MYO16: variants seen among roughly 807,000 people sequenced by gnomAD.
MYO16 encodes the protein unconventional myosin-XVI.
Under a neutral mutation model 205.3 loss-of-function variants are expected in MYO16, and 94 were observed. That is an observed-to-expected ratio of 0.46 (90% CI 0.39 to 0.54). MYO16 has a LOEUF of 0.54. Ranked by LOEUF, MYO16 falls within the 20% of genes least tolerant of loss-of-function variation. The pLI, the probability that MYO16 is intolerant of heterozygous loss-of-function variation, is 0.00. For missense variants in MYO16, 2,315 were observed against 2,387.5 expected (o/e 0.97, Z 0.63); for synonymous variants, 988 against 954.0 (o/e 1.04, Z -0.66).
intron 27 of MYO16, among the ~76,000 whole-genome samples, chr13:109,074,405 G>A (rs962865640): frequency 2.6e-5 from 4 of 152,136 alleles, no homozygotes. Context: ...TCTCAGTTCT[G>A]CATGGCTTGG....
chr13:108,972,249 C>CTCTCTCTCTCTATATA (rs1178345437), intron 20 of MYO16, among the ~76,000 whole-genome samples: 8 of 2,848 alleles, frequency 2.8e-3, no homozygotes, highest in Non-Finnish European at 4.1e-3. Context: ...CTCTCTCTCT[C>CTCTCTCTCTCTATATA]TATATATATA....
chr13:108,583,326 G>C, the MYO16 span, among the ~76,000 whole-genome samples: 1 of 152,318 alleles, frequency 6.6e-6, no homozygotes, highest in Non-Finnish European at 1.5e-5. Context: ...CATGCATCAA[G>C]TTGACAGAGT....
the MYO16 span, among the ~76,000 whole-genome samples, chr13:108,531,269 G>A: frequency 3.6e-3 from 547 of 152,300 alleles, 1 homozygote; most frequent in Non-Finnish European, 6.0e-3. Flanking sequence ...AGCCCTTGAA[G>A]GGTTTTACAC....
chr13:108,745,833 G>C (rs1309686230), intron 4 of MYO16, among the ~76,000 whole-genome samples: 1 of 152,170 alleles, frequency 6.6e-6, no homozygotes. Context: ...TGTAAGCAGA[G>C]AGATGGAAAC....
intron 27 of MYO16, among the ~76,000 whole-genome samples, chr13:109,071,243 A>G (rs1010670866): frequency 7.2e-5 from 11 of 152,190 alleles, no homozygotes; most frequent in African/African-American, 2.7e-4. Flanking sequence ...CGCATTTATG[A>G]CAAAACATCT....
At chr13:108,618,095 C>T (rs1004621557) in intron 1 of MYO16, among the ~76,000 whole-genome samples, 11 of 152,170 alleles carry the variant, frequency 7.2e-5, no homozygotes, top group South Asian at 2.1e-4. Context: ...CATGCTCTCT[C>T]CCCTGGACTA....
chr13:109,112,763 G>T (rs572253235), intron 28 of MYO16, among the ~76,000 whole-genome samples: 2 of 152,226 alleles, frequency 1.3e-5, no homozygotes, highest in African/African-American at 2.4e-5. Context: ...AATAATTTTT[G>T]TAGACAAATG....
chr13:108,643,236 T>C (rs1003972702), intron 1 of MYO16, among the ~76,000 whole-genome samples: 2 of 152,238 alleles, frequency 1.3e-5, no homozygotes, highest in Non-Finnish European at 2.9e-5. Flanking sequence ...CAGAATGTCA[T>C]GTAAATGAAG....
the MYO16 span, among the ~76,000 whole-genome samples, chr13:108,517,193 G>A: frequency 6.6e-6 from 1 of 152,160 alleles, no homozygotes; most frequent in Non-Finnish European, 1.5e-5. Context: ...GCCTTCCAAA[G>A]TGCTGGGATT....
At chr13:108,643,645 T>C (rs1468667286) in intron 1 of MYO16, among the ~76,000 whole-genome samples, 1 of 152,208 alleles carries the variant, frequency 6.6e-6, no homozygotes, top group Admixed American at 6.5e-5. Flanking sequence ...TCATTTTTAT[T>C]GTTGAGTAGG....
intron 4 of MYO16, chr13:108,779,780 C>T (rs907444884): frequency 2.6e-5 from 4 of 152,158 alleles, no homozygotes; most frequent in Admixed American, 2.0e-4. Context: ...ACAAGAAGCC[C>T]CTTCTTCCTG....
At chr13:109,070,972 A>C (rs1327037801) in intron 27 of MYO16, among the ~76,000 whole-genome samples, 1 of 152,200 alleles carries the variant, frequency 6.6e-6, no homozygotes. Context: ...TACTCATGGC[A>C]TGCTCTACTA....
intron 27 of MYO16, among the ~76,000 whole-genome samples, chr13:109,099,700 A>C (rs1298408233): frequency 6.6e-6 from 1 of 152,200 alleles, no homozygotes; most frequent in Non-Finnish European, 1.5e-5. Context: ...GTTTACCCAC[A>C]GTACCTGCCA....
intron 21 of MYO16, among the ~76,000 whole-genome samples, chr13:108,997,452 A>T (rs1462504147): frequency 6.6e-6 from 1 of 150,784 alleles, no homozygotes; most frequent in Non-Finnish European, 1.5e-5. Flanking sequence ...AAAGGAAAGG[A>T]AAGGGAAAAA....
intron 28 of MYO16, among the ~76,000 whole-genome samples, chr13:109,106,407 C>T (rs1483912251): frequency 1.3e-5 from 2 of 152,138 alleles, no homozygotes; most frequent in Non-Finnish European, 2.9e-5. Flanking sequence ...AGACTATTTG[C>T]CCGAATTTCT....
chr13:108,656,957 A>G (rs1322231758), intron 1 of MYO16, among the ~76,000 whole-genome samples: 4 of 152,208 alleles, frequency 2.6e-5, no homozygotes, highest in African/African-American at 9.6e-5. Flanking sequence ...CTGACTCAGC[A>G]CCAGACAGCA....
chr13:108,975,399 A>G (rs1594440091), intron 20 of MYO16, among the ~76,000 whole-genome samples: 1 of 152,142 alleles, frequency 6.6e-6, no homozygotes, highest in Admixed American at 6.6e-5. Flanking sequence ...ATGACTTTTT[A>G]AAAGGACTGG....
At chr13:109,122,504 C>T (rs535040484) in intron 29 of MYO16, among the ~76,000 whole-genome samples, 2 of 152,092 alleles carry the variant, frequency 1.3e-5, no homozygotes, top group South Asian at 4.2e-4. Context: ...CATAGTGAAA[C>T]CCCGTCTCTA....
rs772960123 is a variant in MYO16, at chr13:108,823,110, A to C, written c.944-15A>C. On this transcript the variant is annotated splice_polypyrimidine_tract_variant and intron_variant, in intron 8 of 34. Coordinates refer to ENST00000457511, the MANE Select transcript of MYO16 (RefSeq NM_001198950.3). Reference sequence around the variant, plus strand: ...ACCCATCATTTTTCTGATTTTTCTTATTTTTTTCTTGTAGATATTGCTGCC... The same window carrying C: ...ACCCATCATTTTTCTGATTTTTCTTCTTTTTTTCTTGTAGATATTGCTGCC... The C allele has an allele frequency of 6.2e-7, 1 of 1,600,096 alleles. No individual in the cohort carries two copies. The highest frequency in any genetic ancestry group is 8.5e-7 in the Non-Finnish European group (1 of 1,176,726).
Sources: gnomAD v4.1 joint callset for allele counts (sites outside exome capture counted in the v4.1 genomes callset) on GRCh38, gnomAD v4.1.1 for gene constraint, MANE v1.5 for transcripts, NCBI Gene and HGNC (gene_info 2026-07-23, HGNC 2026-07-21) for gene names.